Variants in ABCC4 observed in about 807,000 individuals in gnomAD.
ABCC4 encodes the protein ATP binding cassette subfamily C member 4 (PEL blood group).
In ABCC4, 102 loss-of-function variants were observed where a neutral mutation model predicts 168.5. The observed-to-expected ratio is 0.61, with a 90% CI of 0.52 to 0.71. The LOEUF is 0.71. ABCC4 is among the 30% of genes least tolerant of loss of function. ABCC4 has a pLI of 0.00. For missense variants in ABCC4, 1,402 were observed against 1,605.8 expected, an observed-to-expected ratio of 0.87 and a Z score of 2.17; for synonymous variants, 617 against 590.7, an observed-to-expected ratio of 1.04 and a Z score of -0.65.
intron 23 of ABCC4, among the ~76,000 whole-genome samples, chr13:95,073,870 T>C (rs1046945935): frequency 2.6e-5 from 4 of 152,174 alleles, no homozygotes; most frequent in African/African-American, 7.2e-5. Context: ...CTACAAACAA[T>C]AGATTCAAGT....
intron 1 of ABCC4, among the ~76,000 whole-genome samples, chr13:95,253,637 C>A (rs1480311360): frequency 6.6e-6 from 1 of 151,652 alleles, no homozygotes; most frequent in African/African-American, 2.4e-5. Flanking sequence ...CCCAGCTACT[C>A]GGGAGGCTGA....
At position 95,186,625 on chromosome 13, in the gene ABCC4, A is replaced by G. The variant is rs888061609; in HGVS notation, c.1545+76T>C. On this transcript the variant is annotated intron_variant, in intron 11 of 30. Coordinates refer to ENST00000645237, the MANE Select transcript of ABCC4 (RefSeq NM_005845.5). Reference sequence around the variant, plus strand: ...GGTCTTTAAAAATTAAAAAAAAGTTAATAAACCTTGTTGTTCAAGTGAACA... The same window carrying G: ...GGTCTTTAAAAATTAAAAAAAAGTTGATAAACCTTGTTGTTCAAGTGAACA... 9 of 1,399,552 alleles carry G rather than the reference A, an allele frequency of 6.4e-6. No homozygotes were observed. The African/African-American group carries it at 1.2e-4, about 18-fold the overall frequency. 86.7% of individuals were successfully genotyped at this position (1,399,552 alleles called of 1,614,324 possible).
chr13:95,148,062 C>A (rs1035339997), intron 19 of ABCC4, among the ~76,000 whole-genome samples: 6 of 152,132 alleles, frequency 3.9e-5, no homozygotes, highest in African/African-American at 1.4e-4. Context: ...CACAGACACC[C>A]TTCCCAGACT....
intron 25 of ABCC4, among the ~76,000 whole-genome samples, chr13:95,071,080 A>ACT (rs34850526): frequency 0.88 from 134,267 of 151,896 alleles, 60,001 homozygotes; most frequent in Non-Finnish European, 0.95. Context: ...CCCTGCACAA[A>ACT]CTCTCTTTGC....
Position 95,125,531 on chromosome 13 carries a change from AAATGAATGAATGAATG to A in ABCC4, c.2456-9546_2456-9531del, listed in dbSNP as rs3837534. The stretch of plus-strand genomic sequence containing the variant: ...AGGCCATAACTTGTAACAAGTAAAT[AAATGAATGAATGAATG>A]AATGAATGAATGAGGACATGCAGCC... On this transcript the variant is annotated intron_variant, in intron 19 of 30. Coordinates refer to ENST00000645237, the MANE Select transcript of ABCC4 (RefSeq NM_005845.5). Among the ~76,000 whole-genome samples, 3 of 151,494 alleles carry A rather than the reference AAATGAATGAATGAATG, an allele frequency of 2.0e-5. No homozygotes were observed. In the East Asian group the frequency reaches 5.9e-4, roughly 30 times the overall value.
chr13:95,217,263 A>C (rs979919383), intron 4 of ABCC4, among the ~76,000 whole-genome samples: 1 of 152,266 alleles, frequency 6.6e-6, no homozygotes, highest in East Asian at 1.9e-4. Flanking sequence ...TGATTATTTT[A>C]ATCAGTGTGG....
chr13:95,122,809 T>G (rs1449127477), intron 19 of ABCC4, among the ~76,000 whole-genome samples: 1 of 133,246 alleles, frequency 7.5e-6, no homozygotes, highest in Non-Finnish European at 1.7e-5. Context: ...CTGTGCTGCT[T>G]TTCTCAGAAA....
At chr13:95,180,815 A>G (rs537503754) in intron 11 of ABCC4, among the ~76,000 whole-genome samples, 2 of 152,346 alleles carry the variant, frequency 1.3e-5, no homozygotes. Flanking sequence ...AAAAGACACT[A>G]AAAATATCTG....
chr13:95,216,304 G>A (rs191566535), intron 4 of ABCC4, among the ~76,000 whole-genome samples: 68 of 152,182 alleles, frequency 4.5e-4, no homozygotes, highest in Non-Finnish European at 9.1e-4. Flanking sequence ...CACATCCAAT[G>A]TACAGAAAAA....
chr13:95,189,666 T>C (rs2038193721), intron 9 of ABCC4, among the ~76,000 whole-genome samples: 1 of 152,210 alleles, frequency 6.6e-6, no homozygotes, highest in African/African-American at 2.4e-5. Flanking sequence ...AAAGTCACTC[T>C]TGGCAAATGA....
intron 4 of ABCC4, among the ~76,000 whole-genome samples, chr13:95,232,016 AG>A (rs1399725970): frequency 6.6e-6 from 1 of 152,170 alleles, no homozygotes; most frequent in Non-Finnish European, 1.5e-5. Flanking sequence ...TGATCTTGAA[AG>A]ACAAAAATCT....
chr13:95,164,355 G>A (rs202133943), intron 16 of ABCC4, 23 bp downstream of exon 16: 184 of 1,612,886 alleles, frequency 1.1e-4, no homozygotes, highest in African/African-American at 6.5e-4. Context: ...TTTTGAGGGC[G>A]CAAAACAAAT....
intron 19 of ABCC4, among the ~76,000 whole-genome samples, chr13:95,117,105 C>G (rs1337569730): frequency 6.6e-6 from 1 of 152,152 alleles, no homozygotes; most frequent in Admixed American, 6.5e-5. Context: ...GGAGCTGCAC[C>G]TCAATTTTCT....
At chr13:95,176,259 C>T (rs999930278) in intron 13 of ABCC4, among the ~76,000 whole-genome samples, 1 of 122,232 alleles carries the variant, frequency 8.2e-6, no homozygotes, top group African/African-American at 3.0e-5. Flanking sequence ...ATCCCTTGAG[C>T]CCAGGAGTTC....
chr13:95,120,564 C>T (rs1445941601), intron 19 of ABCC4, among the ~76,000 whole-genome samples: 1 of 84,860 alleles, frequency 1.2e-5, no homozygotes, highest in Non-Finnish European at 2.5e-5. Flanking sequence ...AACGAGACTC[C>T]GTCAAAAAAA....
At chr13:95,213,567 C>T (rs746866953) in intron 4 of ABCC4, among the ~76,000 whole-genome samples, 1 of 152,154 alleles carries the variant, frequency 6.6e-6, no homozygotes, top group East Asian at 1.9e-4. Flanking sequence ...GAGTGCTGAC[C>T]GAAGATTCTG....
chr13:95,249,974 C>T (rs925165647), intron 1 of ABCC4, among the ~76,000 whole-genome samples: 1 of 152,146 alleles, frequency 6.6e-6, no homozygotes, highest in African/African-American at 2.4e-5. Context: ...GAGGATGACA[C>T]AAATCAGTAA....
intron 19 of ABCC4, among the ~76,000 whole-genome samples, chr13:95,117,457 C>T (rs375530167): frequency 3.0e-4 from 45 of 152,038 alleles, no homozygotes; most frequent in African/African-American, 9.7e-4. Flanking sequence ...AACCAGCTTC[C>T]GGGGGCCCTT....
At chr13:95,195,005 C>T in intron 8 of ABCC4, 68 bp from the exon 9 acceptor site, 1 of 1,324,274 alleles carries the variant, frequency 7.6e-7, no homozygotes, top group Non-Finnish European at 1.1e-6. Context: ...AAAGTCACTG[C>T]TTCCATGGAA....
Sources: allele counts gnomAD v4.1 joint callset (sites outside exome capture counted in the v4.1 genomes callset), GRCh38; gene constraint gnomAD v4.1.1; transcripts MANE v1.5; gene names NCBI Gene and HGNC (gene_info 2026-07-23, HGNC 2026-07-21).